TFB1M: variants seen among roughly 807,000 people sequenced by gnomAD.
The protein encoded by TFB1M is dimethyladenosine transferase 1, mitochondrial.
A neutral mutation model predicts 31.1 loss-of-function variants in TFB1M; 27 were observed. The ratio of observed to expected loss-of-function variants is 0.87; its 90% CI spans 0.64 to 1.20. The LOEUF is 1.20. Ranked by LOEUF, TFB1M falls within the 50% of genes most tolerant of loss-of-function variation. TFB1M has a pLI of 0.00. For synonymous variants in TFB1M, 166 were observed against 151.8 expected, an observed-to-expected ratio of 1.09 and a Z score of -0.69; for missense variants, 394 against 418.7, an observed-to-expected ratio of 0.94 and a Z score of 0.51.
chr6:155,310,656 T>A (rs994181436), intron 2 of TFB1M, among the ~76,000 whole-genome samples: 1 of 152,204 alleles, frequency 6.6e-6, no homozygotes, highest in African/African-American at 2.4e-5. Context: ...AACCTCATCC[T>A]AAATCTATAA....
At chr6:155,251,003 C>A in the TFB1M span, 15 of 1,614,058 alleles carry the variant, frequency 9.3e-6, no homozygotes, top group African/African-American at 1.3e-5. Flanking sequence ...TAGAAAGGAC[C>A]TTGAGCTCAC....
the TFB1M span, among the ~76,000 whole-genome samples, chr6:155,230,080 C>A: frequency 6.6e-6 from 1 of 152,026 alleles, no homozygotes; most frequent in African/African-American, 2.4e-5. Flanking sequence ...CCTGTACCAC[C>A]GAGAGTACAA....
At chr6:155,252,912 C>T (rs750463818), downstream of TFB1M, 13 of 1,573,470 alleles carry the variant, frequency 8.3e-6, 1 homozygote, top group South Asian at 1.2e-4. Flanking sequence ...GTGACAGCTT[C>T]CCTAACACTT....
At chr6:155,245,756 T>TTTTTC in the TFB1M span, 25 of 1,138,786 alleles carry the variant, frequency 2.2e-5, no homozygotes, top group Non-Finnish European at 2.8e-5. Context: ...CCTTTTATAG[T>TTTTTC]TTTTTTTTTT....
At chr6:155,298,335 T>C in intron 3 of TFB1M, 142 bp downstream of exon 3, 1 of 603,020 alleles carries the variant, frequency 1.7e-6, no homozygotes, top group Admixed American at 3.1e-5. Flanking sequence ...AAGAGAAAAT[T>C]ATAATACACA....
chr6:155,307,355 G>A (rs1777826803), intron 2 of TFB1M, among the ~76,000 whole-genome samples: 1 of 152,148 alleles, frequency 6.6e-6, no homozygotes, highest in African/African-American at 2.4e-5. Flanking sequence ...CCACATGGCT[G>A]GGGGAGGCCT....
In TFB1M at chr6:155,257,395, ATAAT is replaced by A. The variant is rs910730306; in HGVS notation, c.*437_*440del. On this transcript the variant is annotated 3_prime_UTR_variant, in exon 7 of 7. Transcript: ENST00000367166. ...TTAGGATCCTTAAAATTACATTCTA[ATAAT>A]TAAGTTATGTGGAAAAAGTAAGGCT... 9.9e-6 allele frequency: 4 copies of A among 403,524 alleles called. No individual in the cohort carries two copies. The highest frequency in any genetic ancestry group is 1.8e-5 in the Non-Finnish European group (4 of 227,894). 25.0% of individuals were successfully genotyped at this position (403,524 alleles called of 1,614,324 possible).
At chr6:155,237,833 T>C in the TFB1M span, among the ~76,000 whole-genome samples, 1 of 152,198 alleles carries the variant, frequency 6.6e-6, no homozygotes, top group African/African-American at 2.4e-5. Context: ...GAAACCACTT[T>C]TTCCTCCTAG....
In TFB1M at chr6:155,256,770, T is replaced by C; in HGVS notation, c.*1066A>G. 1 of 1,614,174 alleles carries C rather than the reference T, an allele frequency of 6.2e-7. No homozygotes were observed. On this transcript the variant is annotated 3_prime_UTR_variant, in exon 7 of 7. Coordinates refer to ENST00000367166, the MANE Select transcript of TFB1M (RefSeq NM_016020.4). ...AGACTGTGAAGCAGGGCAGCCCTAC[T>C]AAAGACATCGAAATTCAGTTCCAGA...
chr6:155,265,388 T>C (rs1019339515), intron 5 of TFB1M, among the ~76,000 whole-genome samples: 1 of 152,154 alleles, frequency 6.6e-6, no homozygotes, highest in Non-Finnish European at 1.5e-5. Context: ...TGCATACAAA[T>C]ATAGTAATTC....
At chr6:155,250,688 C>A in the TFB1M span, 3 of 1,433,938 alleles carry the variant, frequency 2.1e-6, no homozygotes, top group Non-Finnish European at 2.8e-6. Context: ...TGTGCGTGCA[C>A]TGGAGCAAAA....
chr6:155,276,169 G>C (rs1173330809), intron 5 of TFB1M: 1 of 1,614,130 alleles, frequency 6.2e-7, no homozygotes. Context: ...TTCTGGATCT[G>C]ACAGTTCCAG....
the TFB1M span, chr6:155,248,141 T>C: frequency 6.2e-7 from 1 of 1,614,150 alleles, no homozygotes; most frequent in Non-Finnish European, 8.5e-7. Context: ...CTGGTGTCCC[T>C]GACGGACCAG....
At chr6:155,252,853 C>G (rs1583291940), downstream of TFB1M, 1 of 1,162,714 alleles carries the variant, frequency 8.6e-7, no homozygotes, top group East Asian at 2.4e-5. Context: ...GGAGACTCGC[C>G]CACAGGGAGA....
chr6:155,284,400 C>T (rs944811926), intron 5 of TFB1M, among the ~76,000 whole-genome samples: 3 of 152,154 alleles, frequency 2.0e-5, no homozygotes, highest in Admixed American at 1.3e-4. Flanking sequence ...ATTTCTATTC[C>T]TCATGAGGCT....
intron 5 of TFB1M, among the ~76,000 whole-genome samples, chr6:155,272,877 T>A (rs1024985976): frequency 6.6e-6 from 1 of 152,210 alleles, no homozygotes; most frequent in African/African-American, 2.4e-5. Flanking sequence ...GTCTGAAATA[T>A]ACTGAAAGTT....
At chr6:155,306,696 G>A (rs539436510) in intron 2 of TFB1M, among the ~76,000 whole-genome samples, 34 of 152,264 alleles carry the variant, frequency 2.2e-4, no homozygotes, top group African/African-American at 8.2e-4. Flanking sequence ...AGTGACAGCA[G>A]ATTAGTGGTT....
chr6:155,312,735 A>T (rs1279484108), intron 1 of TFB1M, among the ~76,000 whole-genome samples: 2 of 152,140 alleles, frequency 1.3e-5, no homozygotes, highest in African/African-American at 4.8e-5. Context: ...GATAATATCT[A>T]GAATTTGAAA....
At chr6:155,237,166 C>A in the TFB1M span, among the ~76,000 whole-genome samples, 1 of 152,180 alleles carries the variant, frequency 6.6e-6, no homozygotes, top group East Asian at 1.9e-4. Flanking sequence ...GAGAAATTGG[C>A]CAAAATAAAG....
Sources: gnomAD v4.1 joint callset for allele counts (sites outside exome capture counted in the v4.1 genomes callset) on GRCh38, gnomAD v4.1.1 for gene constraint, MANE v1.5 for transcripts, NCBI Gene and HGNC (gene_info 2026-07-23, HGNC 2026-07-21) for gene names.